Variants in ZNF37A observed in about 807,000 individuals in gnomAD.
ZNF37A encodes the protein zinc finger protein 37A.
A neutral mutation model predicts 12.3 loss-of-function variants in ZNF37A; 10 were observed. The ratio of observed to expected loss-of-function variants is 0.82; its 90% CI spans 0.50 to 1.38. ZNF37A has a LOEUF of 1.38. ZNF37A is among the 40% of genes most tolerant of loss of function. ZNF37A has a pLI of 0.00. For synonymous variants in ZNF37A, 207 were observed against 223.0 expected (o/e 0.93, Z 0.64); for missense variants, 580 against 651.2 (o/e 0.89, Z 1.19).
At chr10:38,108,715 A>G (rs1339522490) in intron 5 of ZNF37A, among the ~76,000 whole-genome samples, 1 of 152,226 alleles carries the variant, frequency 6.6e-6, no homozygotes, top group Non-Finnish European at 1.5e-5. Context: ...CCTCTATGCA[A>G]ATAATCTAGA....
In ZNF37A at chr10:38,118,044, C is replaced by G. The variant is rs773095982; in HGVS notation, c.893C>G (p.Pro298Arg). ...RHQRTHTGGKPYECHECGKTF... is the reference protein window; with the variant it reads ...RHQRTHTGGKRYECHECGKTF... ...CAGAGAACACACACAGGGGGAAAAC[C>G]CTATGAATGTCATGAATGTGGGAAG... is the stretch of plus-strand genomic sequence containing the variant. Residue 298 changes from proline to arginine, a missense_variant, in exon 8 of 8, where the codon CCC (proline) becomes CGC (arginine). By Grantham distance (103) the Pro-to-Arg change is moderately radical. Coordinates refer to ENST00000685332, the MANE Select transcript of ZNF37A (RefSeq NM_001324250.3). 12 of 1,613,824 alleles carry G rather than the reference C, an allele frequency of 7.4e-6. No homozygotes were observed. In the East Asian group the frequency reaches 2.2e-4, roughly 30 times the overall value.
intron 5 of ZNF37A, among the ~76,000 whole-genome samples, chr10:38,101,396 TC>T (rs2067561762): frequency 6.6e-6 from 1 of 152,030 alleles, no homozygotes; most frequent in East Asian, 1.9e-4. Context: ...ATCCAGTTTT[TC>T]CAACACTATC....
intron 7 of ZNF37A, chr10:38,141,750 A>G (rs1197860252): frequency 1.3e-5 from 2 of 152,202 alleles, no homozygotes; most frequent in Non-Finnish European, 2.9e-5. Context: ...AACCATCCAC[A>G]CTATCTCTGG....
downstream of ZNF37A, among the ~76,000 whole-genome samples, chr10:38,128,899 G>A (rs1466317546): frequency 1.3e-5 from 2 of 152,004 alleles, no homozygotes; most frequent in Non-Finnish European, 2.9e-5. Context: ...GATTACAGGC[G>A]CCTGCCACCA....
At chr10:38,100,450 G>A (rs932180370) in intron 5 of ZNF37A, among the ~76,000 whole-genome samples, 11 of 152,276 alleles carry the variant, frequency 7.2e-5, no homozygotes, top group African/African-American at 2.2e-4. Context: ...GCCACACCCA[G>A]GGGGGCTGTC....
intron 5 of ZNF37A, among the ~76,000 whole-genome samples, chr10:38,110,900 C>G (rs2135965067): frequency 6.6e-6 from 1 of 152,274 alleles, no homozygotes; most frequent in South Asian, 2.1e-4. Flanking sequence ...TAAATTAGTT[C>G]AACCATTGTG....
chr10:38,104,964 A>G lies in ZNF37A; in HGVS notation c.15+8332A>G, dbSNP rs575881736. ...AAACCAGGCTATACCATTATCCACA[A>G]TATTTATTTGCTCCTTCTCCCTGTT... On this transcript the variant is annotated intron_variant, in intron 5 of 7. Transcript: ENST00000685332. Among the ~76,000 whole-genome samples the G allele has an allele frequency of 3.3e-5, 5 of 150,572 alleles. No individual in the cohort carries two copies. The South Asian group carries it at 8.4e-4, about 25-fold the overall frequency.
chr10:38,117,166 T>G, intron 7 of ZNF37A: 1 of 984,014 alleles, frequency 1.0e-6, no homozygotes, highest in Non-Finnish European at 1.2e-6. Context: ...CCACACAGAA[T>G]TGGAGCCTGG....
chr10:38,115,390 T>C (rs1713566053), intron 7 of ZNF37A, 100 bp downstream of exon 7: 1 of 1,484,604 alleles, frequency 6.7e-7, no homozygotes, highest in Non-Finnish European at 9.0e-7. Context: ...AATCATGTTT[T>C]AGAGGCTCCA....
Position 38,118,611 on chromosome 10 carries a change from G to A in ZNF37A, c.1460G>A (p.Arg487Lys), listed in dbSNP as rs1372271293. The A allele has an allele frequency of 1.9e-6, 3 of 1,605,782 alleles. No individual in the cohort carries two copies. The African/African-American group carries it at 4.0e-5, about 22-fold the overall frequency. ...RQKSALIVHQ[R>K]THIRQKPYGC... ...AAGTCAGCCCTAATTGTTCACCAGA[G>A]AACTCATATAAGACAGAAACCCTAT... Residue 487 changes from arginine to lysine, a missense_variant, in exon 8 of 8, where the codon AGA becomes AAA. Arg to Lys is a conservative substitution (Grantham distance 26, BLOSUM62 2). Coordinates refer to ENST00000685332, the MANE Select transcript of ZNF37A (RefSeq NM_001324250.3).
At chr10:38,115,018 G>A (rs2069133433) in intron 6 of ZNF37A, 137 bp downstream of exon 6, 1 of 1,314,502 alleles carries the variant, frequency 7.6e-7, no homozygotes, top group Non-Finnish European at 1.0e-6. Flanking sequence ...ATCCCTTTTG[G>A]ATACCAGAAA....
rs1168822485 is a variant in ZNF37A at position 38,123,714 on chromosome 10, T to C, written c.*4877T>C. On this transcript the variant is annotated 3_prime_UTR_variant, in exon 8 of 8. Transcript: ENST00000685332. ...CGTTTCTCAAAAGAAGACATACAAATGGCAAACAGGCATATGAAAAGGTAC... is the reference window on the plus strand; with the variant it reads ...CGTTTCTCAAAAGAAGACATACAAACGGCAAACAGGCATATGAAAAGGTAC... The C allele has an allele frequency of 6.6e-6, 1 of 152,114 alleles. No individual in the cohort carries two copies. The highest frequency in any genetic ancestry group is 1.5e-5 in the Non-Finnish European group (1 of 68,016). The allele number at this position is 152,114 out of a possible 1,614,324, so 9.4% of individuals were successfully genotyped here.
At chr10:38,106,294 C>T (rs1398026015) in intron 5 of ZNF37A, among the ~76,000 whole-genome samples, 1 of 152,156 alleles carries the variant, frequency 6.6e-6, no homozygotes, top group Admixed American at 6.5e-5. Context: ...AAAGGAATAA[C>T]ATCAACATCA....
chr10:38,118,411 C>G lies in ZNF37A; in HGVS notation c.1260C>G (p.Phe420Leu), dbSNP rs765794599. ...AATGTAATGAATGTGGGAAGTCATTCTCTGAGAAGTCAACCCTTACTAAAC... is the reference window on the plus strand; with the variant it reads ...AATGTAATGAATGTGGGAAGTCATTGTCTGAGAAGTCAACCCTTACTAAAC... ...PYECNECGKS[F>L]SEKSTLTKHL... The change falls in exon 8 of 8, where the codon TTC becomes TTG. Residue 420 changes from phenylalanine (F) to leucine (L), a missense_variant. Phe to Leu is a conservative substitution (Grantham distance 22, BLOSUM62 0). Transcript: ENST00000685332. The G allele has an allele frequency of 6.2e-7, 1 of 1,613,908 alleles. No homozygotes were observed. Among genetic ancestry groups the G allele is most frequent in the East Asian group, 2.2e-5 (1 of 44,842 alleles).
In ZNF37A at chr10:38,118,193, A is replaced by G. The variant is rs752891741; in HGVS notation, c.1042A>G (p.Thr348Ala). ...EKSTLTQHQRTHTGEKPYECH... is the reference protein window; with the variant it reads ...EKSTLTQHQRAHTGEKPYECH... ...GTCAACCCTTACTCAACATCAAAGA[A>G]CGCACACAGGGGAGAAACCATATGA... The change falls in exon 8 of 8, where the codon ACG becomes GCG. Residue 348 changes from threonine to alanine, a missense_variant. Transcript: ENST00000685332. 1.6e-5 allele frequency: 26 copies of G among 1,614,076 alleles called. No homozygotes were observed. Among genetic ancestry groups the G allele is most frequent in the Non-Finnish European group, 2.2e-5 (26 of 1,179,968 alleles).
chr10:38,104,252 A>G (rs1045572768), intron 5 of ZNF37A, among the ~76,000 whole-genome samples: 1 of 152,124 alleles, frequency 6.6e-6, no homozygotes, highest in African/African-American at 2.4e-5. Context: ...GAAAGTTTCA[A>G]GGAAGGCAAA....
chr10:38,148,468 C>G (rs1490968348), exon 8 of ZNF37A: 1 of 152,170 alleles, frequency 6.6e-6, no homozygotes, highest in Non-Finnish European at 1.5e-5. Flanking sequence ...TGAGCATTTA[C>G]CAGGGGATTT....
chr10:38,112,750 C>A lies in ZNF37A; in HGVS notation c.16-2005C>A, dbSNP rs2068849726. 6.3e-5 allele frequency among the ~76,000 whole-genome samples: 3 copies of A among 47,354 alleles called. 1 individual carries two copies. The highest frequency in any genetic ancestry group is 1.3e-4 in the Non-Finnish European group (3 of 22,602). The allele number at this position is 47,354 out of a possible 152,430, so 31.1% of individuals were successfully genotyped here. A position where few individuals can be genotyped will look rare whatever the true frequency, so the allele number is the denominator to read the frequency against. ...CATCCATTTTCTTTTCTTTTCTTTT[C>A]TTTTCTTTTCTTTTCTTTTCTTTTC... On this transcript the variant is annotated intron_variant, in intron 5 of 7. Transcript: ENST00000685332.
At chr10:38,099,913 T>C (rs769418890) in intron 5 of ZNF37A, among the ~76,000 whole-genome samples, 1 of 152,244 alleles carries the variant, frequency 6.6e-6, no homozygotes, top group Non-Finnish European at 1.5e-5. Flanking sequence ...TGACCATTTA[T>C]ATATCTTTTA....
Sources: allele counts gnomAD v4.1 joint callset (sites outside exome capture counted in the v4.1 genomes callset), GRCh38; gene constraint gnomAD v4.1.1; transcripts MANE v1.5; gene names NCBI Gene and HGNC (gene_info 2026-07-23, HGNC 2026-07-21).